The following PHF6 variants were observed in gnomAD, a reference collection of about 807,000 sequenced individuals.
PHF6 encodes the protein PHD finger protein 6.
A neutral mutation model predicts 34.0 loss-of-function variants in PHF6; 7 were observed. The ratio of observed to expected loss-of-function variants is 0.21; its 90% CI spans 0.12 to 0.39. The LOEUF is 0.39. Among genes scored for constraint, PHF6 ranks in the 10% least tolerant of loss-of-function variants. The pLI is 1.00. For synonymous variants in PHF6, 89 were observed against 88.4 expected (o/e 1.01, Z -0.04); for missense variants, 128 against 262.8 (o/e 0.49, Z 3.55).
intron 1 of PHF6, 86 bp from the exon 2 acceptor site, chrX:134,377,486 A>G (rs1293790762): frequency 1.4e-6 from 1 of 707,512 alleles, no homozygotes; most frequent in Non-Finnish European, 2.1e-6. Context: ...ATTAAAACCT[A>G]GGTCAAATTT....
intron 3 of PHF6, among the ~76,000 whole-genome samples, chrX:134,384,908 C>T (rs2077325146): frequency 9.0e-6 from 1 of 111,560 alleles, no homozygotes; most frequent in African/African-American, 3.3e-5. Flanking sequence ...GCCTTGGCCT[C>T]CCAAAGTGCT....
At chrX:134,424,110 A>AT (rs1314067859) in intron 9 of PHF6, among the ~76,000 whole-genome samples, 4 of 109,501 alleles carry the variant, frequency 3.7e-5, no homozygotes, top group Non-Finnish European at 7.6e-5. Flanking sequence ...TAAAAGTATA[A>AT]TAAAAAAAAA....
intron 5 of PHF6, among the ~76,000 whole-genome samples, chrX:134,395,264 A>G (rs1163413710): frequency 8.9e-6 from 1 of 112,460 alleles, no homozygotes; most frequent in Non-Finnish European, 1.9e-5. Context: ...TTTCTGTTAT[A>G]TTTTTATTCA....
intron 3 of PHF6, among the ~76,000 whole-genome samples, chrX:134,381,750 C>T (rs139859148): frequency 0.12 from 13,198 of 110,522 alleles, 794 homozygotes; most frequent in Middle Eastern, 0.24. Context: ...CTCGGCCTCC[C>T]AAAGTGCTGG....
chrX:134,392,801 ATT>A (rs749412474), intron 3 of PHF6, among the ~76,000 whole-genome samples: 7 of 97,368 alleles, frequency 7.2e-5, no homozygotes, highest in African/African-American at 1.5e-4. Flanking sequence ...AATTAAGTGG[ATT>A]TTTTTTTTTT....
At chrX:134,422,129 C>T (rs1252888553) in intron 9 of PHF6, among the ~76,000 whole-genome samples, 1 of 110,575 alleles carries the variant, frequency 9.0e-6, no homozygotes, top group African/African-American at 3.3e-5. Flanking sequence ...CACCATGTTG[C>T]CCAGTCTGGT....
intron 3 of PHF6, among the ~76,000 whole-genome samples, chrX:134,389,002 C>T (rs939116961): frequency 3.6e-5 from 4 of 111,332 alleles, no homozygotes; most frequent in African/African-American, 9.8e-5. Context: ...TCTAACAATA[C>T]GATAGAGACG....
chrX:134,413,556 A>G lies in PHF6; in HGVS notation c.484A>G (p.Ser162Gly), dbSNP rs1461398088. Residue 162 changes from serine to glycine, a missense_variant, in exon 6 of 11, where the codon AGT becomes GGT. Physicochemically the swap from Ser to Gly is moderately conservative, Grantham distance 56 (BLOSUM62 0). Around this residue, in one of 3 missense-constraint regions of PHF6, gnomAD observed 97 missense variants for 152.9 expected, o/e 0.63. Transcript: ENST00000370803. ...CTCATCACCTAAAAGTAAAAAGAAA[A>G]GTCGCAAAGGAAGGCCAAGAAAAAC... ...EPSSPKSKKK[S>G]RKGRPRKTNF... 1 of 1,211,142 alleles carries G rather than the reference A, an allele frequency of 8.3e-7. No individual in the cohort carries two copies. Among genetic ancestry groups the G allele is most frequent in the African/African-American group, 1.7e-5 (1 of 57,782 alleles).
Position 134,393,710 on chromosome X carries a change from A to G in PHF6, c.374+76A>G, listed in dbSNP as rs3764800. ...TTGGGCTTTTGTAAAAATTTTTCCC[A>G]TTTCAAAGCATTTCATCATCATCAT... On this transcript the variant is annotated intron_variant, in intron 4 of 10. Coordinates refer to ENST00000370803, the MANE Select transcript of PHF6 (RefSeq NM_001015877.2). 1.6e-3 allele frequency: 1,512 copies of G among 946,561 alleles called. 28 individuals carry two copies. The East Asian group carries it at 0.037, about 23-fold the overall frequency. The allele number at this position is 946,561 out of a possible 1,213,427, so 78.0% of individuals were successfully genotyped here.
chrX:134,409,369 AT>A (rs1305200772), intron 5 of PHF6, among the ~76,000 whole-genome samples: 1 of 111,383 alleles, frequency 9.0e-6, no homozygotes, highest in Non-Finnish European at 1.9e-5. Context: ...CCACTGATAT[AT>A]GTCTATTCTT....
chrX:134,417,396 T>G lies in PHF6; in HGVS notation c.968+94T>G. The G allele has an allele frequency of 5.1e-6, 5 of 971,428 alleles. No homozygotes were observed. The Middle Eastern group carries it at 1.6e-3, about 305-fold the overall frequency. 80.1% of individuals were successfully genotyped at this position (971,428 alleles called of 1,213,427 possible). On this transcript the variant is annotated intron_variant, in intron 9 of 10. Coordinates refer to ENST00000370803, the MANE Select transcript of PHF6 (RefSeq NM_001015877.2). The stretch of plus-strand genomic sequence containing the variant: ...TTACTCAGTCTCTGTTCTTAAATGG[T>G]GTTTAGTTAAGTATAGAATACTGAG...
intron 9 of PHF6, among the ~76,000 whole-genome samples, chrX:134,422,049 C>T (rs2124258266): frequency 9.0e-6 from 1 of 110,626 alleles, no homozygotes; most frequent in Non-Finnish European, 1.9e-5. Flanking sequence ...TCACCTCAGC[C>T]TCCCAAGTAG....
rs751125318 is a variant in PHF6 at position 134,409,720 on chromosome X, T to C, written c.419-3771T>C. On this transcript the variant is annotated intron_variant, in intron 5 of 10. Transcript: ENST00000370803. ...AGGTTTGTTACCTGAGTATACGATA[T>C]GATACTGAGGTTGGAGTATGAATGA... Among the ~76,000 whole-genome samples, 20 of 109,253 alleles carry C rather than the reference T, an allele frequency of 1.8e-4. No homozygotes were observed. The East Asian group carries it at 2.9e-3, about 16-fold the overall frequency. 94.9% of individuals were successfully genotyped at this position (109,253 alleles called of 115,157 possible).
Position 134,409,772 on chromosome X carries a change from T to A in PHF6, c.419-3719T>A, listed in dbSNP as rs1263042551. ...GCCATTACCCAGGTACTGGGCATAA[T>A]ACCCAATAGTTAGTTTTTCAACCCT... On this transcript the variant is annotated intron_variant, in intron 5 of 10. Coordinates refer to ENST00000370803, the MANE Select transcript of PHF6 (RefSeq NM_001015877.2). Among the ~76,000 whole-genome samples the A allele has an allele frequency of 4.6e-5, 5 of 109,865 alleles. No homozygotes were observed. In the South Asian group the frequency reaches 2.0e-3, roughly 43 times the overall value.
rs764747261 is a variant in PHF6 at position 134,393,629 on chromosome X, T to G, written c.369T>G (p.Ile123Met). The change falls in exon 4 of 11, where the codon ATT (isoleucine) becomes ATG (methionine). Residue 123 changes from isoleucine (I) to methionine (M), a missense_variant. By Grantham distance (10) the Ile-to-Met change is conservative. Coordinates refer to ENST00000370803, the MANE Select transcript of PHF6 (RefSeq NM_001015877.2). ...AQIREKPSQG[I>M]YMVYCRKHKK... ...TACGAGAGAAACCTTCACAAGGAAT[T>G]TACATGTAATTATTTAACTTCTCTT... The G allele has an allele frequency of 1.0e-5, 12 of 1,196,423 alleles. No homozygotes were observed. The highest frequency in any genetic ancestry group is 1.4e-5 in the Non-Finnish European group (12 of 885,005).
intron 9 of PHF6, chrX:134,417,663 C>G: frequency 7.0e-6 from 1 of 142,483 alleles, no homozygotes; most frequent in Non-Finnish European, 1.4e-5. Context: ...AGTTCGAGAC[C>G]AGCCTGACCA....
intron 5 of PHF6, among the ~76,000 whole-genome samples, chrX:134,402,452 G>C (rs2077406474): frequency 8.9e-6 from 1 of 111,984 alleles, no homozygotes. Context: ...TTGAAATAAG[G>C]TCTGTATTTG....
At chrX:134,424,780 A>G (rs1340755527) in intron 9 of PHF6, among the ~76,000 whole-genome samples, 1 of 112,375 alleles carries the variant, frequency 8.9e-6, no homozygotes, top group East Asian at 2.8e-4. Flanking sequence ...GTTTCATCAA[A>G]TGTGAGCAGA....
At position 134,417,237 on chromosome X, in the gene PHF6, C is replaced by A; in HGVS notation, c.903C>A (p.Tyr301Ter). 1 of 1,207,728 alleles carries A rather than the reference C, an allele frequency of 8.3e-7. No homozygotes were observed. Among genetic ancestry groups the A allele is most frequent in the Non-Finnish European group, 1.1e-6 (1 of 892,019 alleles). ...GCEIKACVKT[Y>*]HYHCGVQDKA... ...AAATAAAAGCCTGTGTTAAGACTTA[C>A]CATTACCACTGTGGAGTACAAGACA... Residue 301 changes from tyrosine to a stop codon, truncating the protein, a stop_gained, in exon 9 of 11, where the codon TAC becomes TAA. Coordinates refer to ENST00000370803, the MANE Select transcript of PHF6 (RefSeq NM_001015877.2). LOFTEE classifies it high-confidence loss of function.
Sources: allele counts gnomAD v4.1 joint callset (sites outside exome capture counted in the v4.1 genomes callset), GRCh38; gene constraint gnomAD v4.1.1; regional missense constraint gnomAD v4.1.1; transcripts MANE v1.5; gene names NCBI Gene and HGNC (gene_info 2026-07-23, HGNC 2026-07-21).